Variants in CNTNAP2 observed in about 807,000 individuals in gnomAD.
CNTNAP2 encodes contactin-associated protein-like 2.
CNTNAP2 carries 98 observed loss-of-function variants against 155.2 expected under a neutral mutation model. That is an observed-to-expected ratio of 0.63 (90% confidence interval 0.54 to 0.75). CNTNAP2 has a LOEUF of 0.75. CNTNAP2 is among the 30% of genes least tolerant of loss of function. The pLI is 0.00. For synonymous variants in CNTNAP2, 651 were observed against 631.2 expected, an observed-to-expected ratio of 1.03 and a Z score of -0.47; for missense variants, 1,727 against 1,688.1, an observed-to-expected ratio of 1.02 and a Z score of -0.40.
At chr7:148,288,252 A>G (rs1453064621) in intron 21 of CNTNAP2, among the ~76,000 whole-genome samples, 1 of 150,256 alleles carries the variant, frequency 6.7e-6, no homozygotes, top group East Asian at 2.0e-4. Context: ...GGCGCCCACC[A>G]CCATGCCCAG....
intron 18 of CNTNAP2, among the ~76,000 whole-genome samples, chr7:148,192,566 C>A (rs1185312371): frequency 1.3e-5 from 2 of 151,368 alleles, no homozygotes; most frequent in Non-Finnish European, 2.9e-5. Flanking sequence ...ACTCTCCATG[C>A]AGTGAGCCGA....
intron 10 of CNTNAP2, among the ~76,000 whole-genome samples, chr7:147,410,663 T>G (rs1265638269): frequency 6.6e-6 from 1 of 152,220 alleles, no homozygotes; most frequent in Non-Finnish European, 1.5e-5. Flanking sequence ...TATGTGGCTA[T>G]TTCACACTTA....
chr7:147,251,592 G>C (rs1377884428), intron 8 of CNTNAP2, among the ~76,000 whole-genome samples: 1 of 152,112 alleles, frequency 6.6e-6, no homozygotes, highest in Non-Finnish European at 1.5e-5. Flanking sequence ...TCATGGCTTT[G>C]ATGATTGAAA....
chr7:147,849,348 A>G (rs1347829745), intron 13 of CNTNAP2, among the ~76,000 whole-genome samples: 1 of 152,200 alleles, frequency 6.6e-6, no homozygotes, highest in African/African-American at 2.4e-5. Flanking sequence ...GTAGGGGAAA[A>G]CAAATTAATC....
At chr7:146,749,510 A>C (rs931072529) in intron 1 of CNTNAP2, among the ~76,000 whole-genome samples, 1 of 152,176 alleles carries the variant, frequency 6.6e-6, no homozygotes, top group African/African-American at 2.4e-5. Context: ...AATGATATTC[A>C]GCATCTTCTG....
intron 1 of CNTNAP2, among the ~76,000 whole-genome samples, chr7:146,311,111 T>C (rs1447396697): frequency 2.0e-5 from 3 of 152,220 alleles, no homozygotes; most frequent in Non-Finnish European, 4.4e-5. Flanking sequence ...TGAAGCTTTC[T>C]CTTTAGGTCA....
chr7:146,920,970 TGGTA>T (rs1482340709), intron 3 of CNTNAP2, among the ~76,000 whole-genome samples: 1 of 152,156 alleles, frequency 6.6e-6, no homozygotes, highest in Non-Finnish European at 1.5e-5. Flanking sequence ...AGATAATAAA[TGGTA>T]GGGCATATTT....
At chr7:147,344,447 G>A (rs7788941) in intron 9 of CNTNAP2, among the ~76,000 whole-genome samples, 2 of 151,944 alleles carry the variant, frequency 1.3e-5, no homozygotes, top group African/African-American at 2.4e-5. Context: ...TAGAAAACTC[G>A]AAAGACAGAT....
At chr7:147,377,137 C>T (rs1025222859) in intron 9 of CNTNAP2, among the ~76,000 whole-genome samples, 4 of 99,144 alleles carry the variant, frequency 4.0e-5, no homozygotes, top group East Asian at 4.6e-4. Flanking sequence ...TCCTTCTTCT[C>T]CCCCCCCTTT....
intron 8 of CNTNAP2, among the ~76,000 whole-genome samples, chr7:147,209,413 G>T (rs562388282): frequency 6.6e-6 from 1 of 152,016 alleles, no homozygotes; most frequent in African/African-American, 2.4e-5. Context: ...TTGCTATATA[G>T]AAATGCTACT....
chr7:146,959,750 C>T (rs1158544299), intron 3 of CNTNAP2, among the ~76,000 whole-genome samples: 2 of 149,892 alleles, frequency 1.3e-5, no homozygotes, highest in Non-Finnish European at 3.0e-5. Flanking sequence ...AATAAGAATA[C>T]GAACTGCAAT....
At chr7:147,417,013 C>G (rs756727955) in intron 10 of CNTNAP2, among the ~76,000 whole-genome samples, 5 of 151,244 alleles carry the variant, frequency 3.3e-5, no homozygotes, top group Non-Finnish European at 7.4e-5. Flanking sequence ...TGCTTGAACC[C>G]AAGAGGCAGA....
At chr7:148,230,246 A>G (rs962291583) in intron 20 of CNTNAP2, among the ~76,000 whole-genome samples, 2 of 152,198 alleles carry the variant, frequency 1.3e-5, no homozygotes, top group East Asian at 1.9e-4. Flanking sequence ...TCCTCAAAAC[A>G]GTCTTTCCCC....
intron 8 of CNTNAP2, among the ~76,000 whole-genome samples, chr7:147,287,003 A>T (rs528289969): frequency 2.8e-4 from 42 of 152,240 alleles, no homozygotes; most frequent in Non-Finnish European, 4.9e-4. Flanking sequence ...AAGAAAAAAA[A>T]ATATTCAGTG....
At chr7:146,528,950 G>A (rs1797729987) in intron 1 of CNTNAP2, among the ~76,000 whole-genome samples, 1 of 152,108 alleles carries the variant, frequency 6.6e-6, no homozygotes, top group Non-Finnish European at 1.5e-5. Flanking sequence ...GCAAGGTTCA[G>A]TGAAATAAAA....
intron 12 of CNTNAP2, among the ~76,000 whole-genome samples, chr7:147,586,498 TACACAC>T (rs978054845): frequency 4.9e-5 from 3 of 60,638 alleles, no homozygotes; most frequent in African/African-American, 3.1e-4. Context: ...TTTACATAGA[TACACAC>T]ACACCCACAG....
At chr7:146,386,240 C>A (rs1795458645) in intron 1 of CNTNAP2, among the ~76,000 whole-genome samples, 1 of 152,130 alleles carries the variant, frequency 6.6e-6, no homozygotes, top group African/African-American at 2.4e-5. Context: ...CCCTCCTCCC[C>A]TCCATTTGTC....
chr7:146,900,140 G>C (rs1795964082), intron 3 of CNTNAP2, among the ~76,000 whole-genome samples: 1 of 152,156 alleles, frequency 6.6e-6, no homozygotes, highest in Non-Finnish European at 1.5e-5. Context: ...GGCCTAAACA[G>C]TATCTCAAAA....
intron 11 of CNTNAP2, among the ~76,000 whole-genome samples, chr7:147,502,578 A>G (rs1017275556): frequency 2.0e-5 from 3 of 152,188 alleles, no homozygotes; most frequent in Non-Finnish European, 4.4e-5. Context: ...CTAATATACA[A>G]CATGGTGACT....
Sources: allele counts gnomAD v4.1 joint callset (sites outside exome capture counted in the v4.1 genomes callset), GRCh38; gene constraint gnomAD v4.1.1; transcripts MANE v1.5; gene names NCBI Gene and HGNC (gene_info 2026-07-23, HGNC 2026-07-21).